Variants in TAS2R1 observed in about 807,000 individuals in gnomAD.
TAS2R1 encodes the protein taste receptor type 2 member 1.
For synonymous variants in TAS2R1, 141 were observed against 134.2 expected (o/e 1.05, Z -0.35); for missense variants, 370 against 353.4 (o/e 1.05, Z -0.38).
the TAS2R1 span, chr5:9,883,804 T>C: frequency 6.6e-6 from 1 of 152,352 alleles, no homozygotes; most frequent in South Asian, 2.1e-4. Context: ...CTTTCTCAAG[T>C]ACTTTGGGTA....
the TAS2R1 span, among the ~76,000 whole-genome samples, chr5:9,865,873 G>A: frequency 6.6e-6 from 1 of 152,164 alleles, no homozygotes; most frequent in Non-Finnish European, 1.5e-5. Context: ...ATATGCTAAA[G>A]CATGGTTTTC....
chr5:9,784,811 A>G, the TAS2R1 span, among the ~76,000 whole-genome samples: 21 of 152,148 alleles, frequency 1.4e-4, no homozygotes, highest in Admixed American at 2.0e-4. Flanking sequence ...CTGTCTTTGC[A>G]TGGCCATCTT....
the TAS2R1 span, among the ~76,000 whole-genome samples, chr5:9,867,610 G>T: frequency 6.6e-6 from 1 of 152,060 alleles, no homozygotes; most frequent in Non-Finnish European, 1.5e-5. Flanking sequence ...GATGAGATTT[G>T]GGTGGGGACA....
chr5:9,781,843 C>G, the TAS2R1 span, among the ~76,000 whole-genome samples: 2 of 152,204 alleles, frequency 1.3e-5, no homozygotes, highest in Admixed American at 6.5e-5. Context: ...CATCCATCAT[C>G]CCTGCCTATC....
the TAS2R1 span, among the ~76,000 whole-genome samples, chr5:9,900,245 A>G: frequency 1.3e-5 from 2 of 152,354 alleles, no homozygotes; most frequent in East Asian, 3.9e-4. Flanking sequence ...CCATTTCAAC[A>G]GCATCATGGT....
chr5:9,690,030 G>C (rs1295426762), intron 1 of TAS2R1, among the ~76,000 whole-genome samples: 1 of 152,108 alleles, frequency 6.6e-6, no homozygotes, highest in East Asian at 1.9e-4. Context: ...CCAATTAATT[G>C]AATCTTTTCT....
chr5:9,727,456 G>C, the TAS2R1 span, among the ~76,000 whole-genome samples: 10 of 152,150 alleles, frequency 6.6e-5, no homozygotes, highest in African/African-American at 1.9e-4. Flanking sequence ...AACTCAGGCA[G>C]GTAATCTTAC....
At chr5:9,691,610 GA>G (rs1381694044) in intron 1 of TAS2R1, among the ~76,000 whole-genome samples, 1 of 152,238 alleles carries the variant, frequency 6.6e-6, no homozygotes, top group African/African-American at 2.4e-5. Flanking sequence ...AGGGGATTGA[GA>G]AAGCAAAACT....
At chr5:9,842,225 A>T in the TAS2R1 span, among the ~76,000 whole-genome samples, 3 of 151,480 alleles carry the variant, frequency 2.0e-5, no homozygotes, top group Non-Finnish European at 2.9e-5. Flanking sequence ...GTCAGACATT[A>T]TCTATTAAAA....
At chr5:9,879,134 A>C in the TAS2R1 span, among the ~76,000 whole-genome samples, 1 of 152,406 alleles carries the variant, frequency 6.6e-6, no homozygotes, top group Non-Finnish European at 1.5e-5. Context: ...AGAGGCACTT[A>C]GTAGTCAAGG....
At chr5:9,893,668 T>TC in the TAS2R1 span, among the ~76,000 whole-genome samples, 2 of 152,070 alleles carry the variant, frequency 1.3e-5, no homozygotes, top group Non-Finnish European at 2.9e-5. Context: ...CAGTTCCCTA[T>TC]CCCCCCTCTC....
At chr5:9,800,960 G>A in the TAS2R1 span, among the ~76,000 whole-genome samples, 6 of 152,176 alleles carry the variant, frequency 3.9e-5, no homozygotes, top group South Asian at 8.3e-4. Flanking sequence ...GGGAGGCCAA[G>A]GCAGGCAGAT....
chr5:9,638,740 G>A (rs1740016143), intron 2 of TAS2R1, among the ~76,000 whole-genome samples: 1 of 152,206 alleles, frequency 6.6e-6, no homozygotes, highest in South Asian at 2.1e-4. Context: ...ATACCATCAG[G>A]TGGAGTCAGG....
chr5:9,725,658 G>A, the TAS2R1 span, among the ~76,000 whole-genome samples: 3 of 151,134 alleles, frequency 2.0e-5, no homozygotes, highest in Non-Finnish European at 2.9e-5. Flanking sequence ...GACGAGCACC[G>A]CCCCCTGCTC....
the TAS2R1 span, among the ~76,000 whole-genome samples, chr5:9,825,952 G>C: frequency 6.6e-6 from 1 of 151,980 alleles, no homozygotes; most frequent in East Asian, 1.9e-4. Flanking sequence ...TCCTTACAGG[G>C]GTAAATGTTA....
chr5:9,681,488 A>G (rs1393391868), intron 1 of TAS2R1, among the ~76,000 whole-genome samples: 2 of 143,106 alleles, frequency 1.4e-5, no homozygotes, highest in Admixed American at 1.5e-4. Context: ...CCCCTTTCCA[A>G]CTCACACCTG....
chr5:9,849,637 G>C, the TAS2R1 span, among the ~76,000 whole-genome samples: 2 of 152,230 alleles, frequency 1.3e-5, no homozygotes, highest in Admixed American at 6.5e-5. Context: ...CTGTAGCTTT[G>C]CCCTTATCTC....
chr5:9,709,672 T>G (rs567993587), intron 1 of TAS2R1, among the ~76,000 whole-genome samples: 7 of 152,152 alleles, frequency 4.6e-5, no homozygotes, highest in Admixed American at 1.3e-4. Context: ...TCTGGAGAGA[T>G]CCACAGAGCA....
At chr5:9,703,700 A>AC (rs1432070773) in intron 1 of TAS2R1, among the ~76,000 whole-genome samples, 1 of 152,084 alleles carries the variant, frequency 6.6e-6, no homozygotes, top group African/African-American at 2.4e-5. Flanking sequence ...GTCTTGGGGA[A>AC]CCTTGGCATT....
Sources: gnomAD v4.1 joint callset for allele counts (sites outside exome capture counted in the v4.1 genomes callset) on GRCh38, gnomAD v4.1.1 for gene constraint, MANE v1.5 for transcripts, NCBI Gene and HGNC (gene_info 2026-07-23, HGNC 2026-07-21) for gene names.